Variants in GRM8 observed in about 807,000 individuals in gnomAD.
The protein encoded by GRM8 is metabotropic glutamate receptor 8.
In GRM8, 47 loss-of-function variants were observed where a neutral mutation model predicts 87.2. That is an observed-to-expected ratio of 0.54 (90% CI 0.43 to 0.69). The LOEUF is 0.69. Among genes scored for constraint, GRM8 ranks in the 30% least tolerant of loss-of-function variants. The probability of loss-of-function intolerance (pLI) is 0.00; values close to 1 mark genes in which losing one functional copy is unlikely to be tolerated. For missense variants in GRM8, 1,019 were observed against 1,139.2 expected (o/e 0.89, Z 1.52); for synonymous variants, 396 against 404.5 (o/e 0.98, Z 0.25).
chr7:126,613,452 G>A (rs1375636727), intron 7 of GRM8, among the ~76,000 whole-genome samples: 2 of 152,182 alleles, frequency 1.3e-5, no homozygotes, highest in African/African-American at 4.8e-5. Flanking sequence ...CAGTGTGAGC[G>A]ACGCAGAAGA....
intron 6 of GRM8, among the ~76,000 whole-genome samples, chr7:126,784,897 T>C (rs1820470696): frequency 6.6e-6 from 1 of 152,210 alleles, no homozygotes; most frequent in South Asian, 2.1e-4. Context: ...CATGCCCACG[T>C]ACAGTGTAAT....
chr7:126,867,207 T>C (rs982281041), intron 6 of GRM8, among the ~76,000 whole-genome samples: 5 of 152,190 alleles, frequency 3.3e-5, no homozygotes, highest in Admixed American at 2.0e-4. Flanking sequence ...AAGGAGGTAG[T>C]GCTGTCCCAC....
chr7:126,706,973 T>C (rs1341992976), intron 7 of GRM8, among the ~76,000 whole-genome samples: 2 of 152,138 alleles, frequency 1.3e-5, no homozygotes, highest in Non-Finnish European at 2.9e-5. Context: ...ATAGCTGCTC[T>C]CTCTTCAAGA....
intron 8 of GRM8, among the ~76,000 whole-genome samples, chr7:126,606,908 T>C (rs1344830406): frequency 6.6e-6 from 1 of 152,218 alleles, no homozygotes; most frequent in African/African-American, 2.4e-5. Context: ...TATATATGTG[T>C]ACTTGTGTGT....
rs367612924 is a variant in GRM8 at position 126,907,052 on chromosome 7, AAAG to A, written c.728-2372_728-2370del. Among the ~76,000 whole-genome samples, 113 of 152,274 alleles carry A rather than the reference AAAG, an allele frequency of 7.4e-4. 1 individual carries two copies. The Middle Eastern group carries it at 0.027, about 37-fold the overall frequency. On this transcript the variant is annotated intron_variant, in intron 3 of 10. Coordinates refer to ENST00000339582, the MANE Select transcript of GRM8 (RefSeq NM_000845.3). ...CTCAGGCTTAATGCAAACTAAAAAG[AAAG>A]AAGAAGAAGAGAAAAAGAATGGAGA...
chr7:127,025,131 C>G (rs910562415), intron 3 of GRM8, among the ~76,000 whole-genome samples: 1 of 152,024 alleles, frequency 6.6e-6, no homozygotes, highest in Non-Finnish European at 1.5e-5. Context: ...AGAGCAGTCC[C>G]ACTTTGACAT....
chr7:127,107,247 G>T (rs567828531), intron 2 of GRM8, among the ~76,000 whole-genome samples: 1 of 152,180 alleles, frequency 6.6e-6, no homozygotes, highest in Admixed American at 6.5e-5. Flanking sequence ...CAAGTCTATT[G>T]ACTGTTTATT....
At chr7:126,456,166 AG>A (rs1803199169) in intron 9 of GRM8, among the ~76,000 whole-genome samples, 1 of 151,612 alleles carries the variant, frequency 6.6e-6, no homozygotes, top group Non-Finnish European at 1.5e-5. Context: ...CATAAAGTTA[AG>A]GGAAAAAAGA....
At chr7:126,954,465 G>A (rs1455016564) in intron 3 of GRM8, among the ~76,000 whole-genome samples, 1 of 152,148 alleles carries the variant, frequency 6.6e-6, no homozygotes, top group Non-Finnish European at 1.5e-5. Context: ...CCATGTCCCA[G>A]GCGATATTTG....
At chr7:127,010,035 G>T (rs186092713) in intron 3 of GRM8, among the ~76,000 whole-genome samples, 1 of 152,020 alleles carries the variant, frequency 6.6e-6, no homozygotes, top group South Asian at 2.1e-4. Flanking sequence ...TAGTGTCAGG[G>T]TTTCACCATG....
intron 7 of GRM8, among the ~76,000 whole-genome samples, chr7:126,696,457 C>T (rs1356108856): frequency 6.6e-6 from 1 of 152,086 alleles, no homozygotes; most frequent in Non-Finnish European, 1.5e-5. Context: ...CGTTCAGCTC[C>T]CACTTACAAG....
chr7:126,807,311 G>GA lies in GRM8; in HGVS notation c.1157-37247dup, dbSNP rs139323076. 6.4e-3 allele frequency among the ~76,000 whole-genome samples: 970 copies of GA among 151,842 alleles called. 9 individuals carry two copies. The highest frequency in any genetic ancestry group is 0.022 in the African/African-American group (913 of 41,408). On this transcript the variant is annotated intron_variant, in intron 6 of 10. Coordinates refer to ENST00000339582, the MANE Select transcript of GRM8 (RefSeq NM_000845.3). ...TTGAGACCAAAGGCTACTTCGACTTGAAAAAAAATGTTCATTTGAGAGGTG... is the reference window on the plus strand; with the variant it reads ...TTGAGACCAAAGGCTACTTCGACTTGAAAAAAAAATGTTCATTTGAGAGGTG...
intron 9 of GRM8, among the ~76,000 whole-genome samples, chr7:126,499,072 A>G (rs1013460613): frequency 2.0e-5 from 3 of 151,956 alleles, no homozygotes; most frequent in African/African-American, 4.8e-5. Context: ...CTCAGAATTC[A>G]TATTTATTAT....
At chr7:126,769,790 T>A in intron 7 of GRM8, 75 bp downstream of exon 7, 2 of 906,372 alleles carry the variant, frequency 2.2e-6, no homozygotes, top group East Asian at 4.9e-5. Flanking sequence ...TCTGCCTGGG[T>A]ATCTTCTATA....
chr7:126,570,101 T>C (rs1374903518), intron 8 of GRM8, among the ~76,000 whole-genome samples: 2 of 152,228 alleles, frequency 1.3e-5, no homozygotes, highest in Non-Finnish European at 2.9e-5. Flanking sequence ...TTTCCTTGAT[T>C]CTTAAACTAA....
At chr7:127,119,390 G>C (rs1826894550) in intron 2 of GRM8, among the ~76,000 whole-genome samples, 1 of 152,080 alleles carries the variant, frequency 6.6e-6, no homozygotes, top group Admixed American at 6.6e-5. Flanking sequence ...AGAGGCTGAG[G>C]TATGAGAATC....
intron 7 of GRM8, among the ~76,000 whole-genome samples, chr7:126,647,856 C>A (rs1411737680): frequency 6.6e-6 from 1 of 152,032 alleles, no homozygotes; most frequent in African/African-American, 2.4e-5. Context: ...TTGTTCTCTT[C>A]CAATGCATTT....
intron 3 of GRM8, among the ~76,000 whole-genome samples, chr7:127,010,232 G>T (rs940817077): frequency 6.6e-6 from 1 of 152,098 alleles, no homozygotes; most frequent in Non-Finnish European, 1.5e-5. Flanking sequence ...CAAGGCAACA[G>T]AACTGGCCAA....
intron 2 of GRM8, among the ~76,000 whole-genome samples, chr7:127,166,242 C>T (rs1367293547): frequency 6.6e-5 from 10 of 152,148 alleles, no homozygotes; most frequent in Admixed American, 5.9e-4. Flanking sequence ...CTTGGCTTAA[C>T]ATTCCTCTTT....
Sources: allele counts gnomAD v4.1 joint callset (sites outside exome capture counted in the v4.1 genomes callset), GRCh38; gene constraint gnomAD v4.1.1; transcripts MANE v1.5; gene names NCBI Gene and HGNC (gene_info 2026-07-23, HGNC 2026-07-21).